The following ZNF292 variants were observed in gnomAD, a reference collection of about 807,000 sequenced individuals.
ZNF292 encodes 16 zinc-finger domain protein.
In ZNF292, 26 loss-of-function variants were observed where a neutral mutation model predicts 217.9. The observed-to-expected ratio is 0.12, with a 90% CI of 0.09 to 0.17. The LOEUF (loss-of-function observed/expected upper bound fraction) is 0.17, where lower values mean the gene tolerates loss of function less well. Ranked by LOEUF, ZNF292 falls within the 10% of genes least tolerant of loss-of-function variation. ZNF292 has a pLI of 1.00. For synonymous variants in ZNF292, 1,257 were observed against 1,124.1 expected (o/e 1.12, Z -2.37); for missense variants, 2,904 against 3,175.2 (o/e 0.91, Z 2.05).
intron 1 of ZNF292, among the ~76,000 whole-genome samples, chr6:87,177,302 G>A (rs1771333919): frequency 6.6e-6 from 1 of 151,580 alleles, no homozygotes; most frequent in Non-Finnish European, 1.5e-5. Flanking sequence ...ACTCCAGCCT[G>A]GGTGACAAGC....
At chr6:87,216,138 C>T in intron 2 of ZNF292, 81 bp downstream of exon 2, 1 of 778,538 alleles carries the variant, frequency 1.3e-6, no homozygotes, top group Non-Finnish European at 1.8e-6. Flanking sequence ...CACACACACA[C>T]ACACACACAC....
At chr6:87,226,125 A>G (rs146357757) in intron 4 of ZNF292, among the ~76,000 whole-genome samples, 122 of 152,148 alleles carry the variant, frequency 8.0e-4, no homozygotes, top group Non-Finnish European at 3.1e-4. Flanking sequence ...CTCTACTTCT[A>G]TATTGGGTTA....
In ZNF292 at chr6:87,235,569, A is replaced by C. The variant is rs573895789; in HGVS notation, c.741+2042A>C. 9.7e-3 allele frequency among the ~76,000 whole-genome samples: 1,164 copies of C among 119,706 alleles called. 24 individuals carry two copies. The highest frequency in any genetic ancestry group is 0.043 in the African/African-American group (1,057 of 24,728). The allele number at this position is 119,706 out of a possible 152,430, so 78.5% of individuals were successfully genotyped here. On this transcript the variant is annotated intron_variant, in intron 5 of 7. Coordinates refer to ENST00000369577, the MANE Select transcript of ZNF292 (RefSeq NM_015021.3). Reference sequence around the variant, plus strand: ...TCTGTGTCTCAAGTAAAAATCTAGTAAAAAAAAAAAAATCTGTATTTCTAG... The same window carrying C: ...TCTGTGTCTCAAGTAAAAATCTAGTCAAAAAAAAAAAATCTGTATTTCTAG...
intron 5 of ZNF292, among the ~76,000 whole-genome samples, chr6:87,240,271 A>C (rs894316337): frequency 1.4e-5 from 2 of 145,648 alleles, no homozygotes; most frequent in South Asian, 2.2e-4. Context: ...AGAATCAGGC[A>C]GGGAGGTTGC....
At position 87,264,849 on chromosome 6, in the gene ZNF292, G is replaced by C. The variant is rs1775761480; in HGVS notation, c.*3048G>C. Among the ~76,000 whole-genome samples the C allele has an allele frequency of 6.6e-6, 1 of 152,184 alleles. No homozygotes were observed. On this transcript the variant is annotated 3_prime_UTR_variant, in exon 8 of 8. Transcript: ENST00000369577. Reference sequence around the variant, plus strand: ...CAGTTTTAGAAAGATAATTGTCATGGTATAGTGGATAAATTGAGTAAGTTG... The same window carrying C: ...CAGTTTTAGAAAGATAATTGTCATGCTATAGTGGATAAATTGAGTAAGTTG...
intron 1 of ZNF292, among the ~76,000 whole-genome samples, chr6:87,157,942 C>T (rs1454876218): frequency 6.6e-6 from 1 of 152,164 alleles, no homozygotes; most frequent in African/African-American, 2.4e-5. Flanking sequence ...GAACTGCTGA[C>T]CTCAAGTGAT....
chr6:87,261,178 G>A lies in ZNF292; in HGVS notation c.7549G>A (p.Asp2517Asn), dbSNP rs761196342. Residue 2517 changes from aspartate to asparagine, a missense_variant, in exon 8 of 8, where the codon GAT becomes AAT. Asp to Asn is a conservative substitution (Grantham distance 23). This residue lies in a region of ZNF292 where 380 missense variants were observed against 355.3 expected (regional missense o/e 1.07). Transcript: ENST00000369577. ...SSNVSNDFQE[D>N]NLCQSERQKA... ...AAATGTAAGTAATGATTTTCAGGAA[G>A]ATAACCTCTGCCAGTCAGAAAGACA... 1.2e-6 allele frequency: 2 copies of A among 1,612,926 alleles called. No homozygotes were observed. The highest frequency in any genetic ancestry group is 1.7e-6 in the Non-Finnish European group (2 of 1,179,556).
At position 87,239,286 on chromosome 6, in the gene ZNF292, G is replaced by A. The variant is rs979669204; in HGVS notation, c.742-4189G>A. Among the ~76,000 whole-genome samples the A allele has an allele frequency of 1.3e-4, 19 of 150,956 alleles. No homozygotes were observed. In the East Asian group the frequency reaches 3.2e-3, roughly 25 times the overall value. Reference sequence around the variant, plus strand: ...CAAAGGCACCCCTCACCTCCCGGACGGGGCGCCAGCTGGGCAGAGGCGCCC... The same window carrying A: ...CAAAGGCACCCCTCACCTCCCGGACAGGGCGCCAGCTGGGCAGAGGCGCCC... On this transcript the variant is annotated intron_variant, in intron 5 of 7. Transcript: ENST00000369577.
intron 1 of ZNF292, among the ~76,000 whole-genome samples, chr6:87,185,497 T>G (rs773766861): frequency 1.3e-5 from 2 of 152,250 alleles, no homozygotes; most frequent in Non-Finnish European, 2.9e-5. Context: ...ATACTTTCTT[T>G]GAGAGGAGGT....
At chr6:87,176,121 C>T (rs1771282521) in intron 1 of ZNF292, among the ~76,000 whole-genome samples, 1 of 152,182 alleles carries the variant, frequency 6.6e-6, no homozygotes, top group Non-Finnish European at 1.5e-5. Context: ...TTTTTCCCAC[C>T]TGTCACTAGG....
At position 87,256,089 on chromosome 6, in the gene ZNF292, T is replaced by G; in HGVS notation, c.2460T>G (p.Ser820=). 2 of 1,613,332 alleles carry G rather than the reference T, an allele frequency of 1.2e-6. No homozygotes were observed. Among genetic ancestry groups the G allele is most frequent in the Non-Finnish European group, 1.7e-6 (2 of 1,179,614 alleles). Residue 820 remains serine (S), a synonymous_variant, in exon 8 of 8, where the codon TCT becomes TCG. Coordinates refer to ENST00000369577, the MANE Select transcript of ZNF292 (RefSeq NM_015021.3). ...CAGGTTGTGGTAAAGTTTATCGTTC[T>G]CAGGGTGAGCTGGAAAAGCATCTGG... ...KFTGCGKVYR[S]QGELEKHLDD...
At chr6:87,180,572 C>A (rs2127777809) in intron 1 of ZNF292, among the ~76,000 whole-genome samples, 1 of 152,336 alleles carries the variant, frequency 6.6e-6, no homozygotes, top group East Asian at 1.9e-4. Flanking sequence ...ACTTCCCCTG[C>A]ATGTCTACTT....
rs556039262 is a variant in ZNF292 at position 87,212,364 on chromosome 6, T to A, written c.169-3539T>A. Among the ~76,000 whole-genome samples the A allele has an allele frequency of 2.6e-5, 4 of 152,252 alleles. No individual in the cohort carries two copies. In the East Asian group the frequency reaches 7.7e-4, roughly 29 times the overall value. On this transcript the variant is annotated intron_variant, in intron 1 of 7. Transcript: ENST00000369577. The stretch of plus-strand genomic sequence containing the variant: ...TGATCAGATCATTGGCCATTGGTGA[T>A]TGGGTTCAATCTCTGCCCCTTTACC...
chr6:87,164,109 G>T (rs1770838042), intron 1 of ZNF292, among the ~76,000 whole-genome samples: 1 of 152,138 alleles, frequency 6.6e-6, no homozygotes, highest in African/African-American at 2.4e-5. Context: ...ACCTTTAAAA[G>T]AACAGCCATT....
In ZNF292 at chr6:87,261,235, GA is replaced by G; in HGVS notation, c.7613del (p.Asn2538MetfsTer21). 1 of 1,609,502 alleles carries G rather than the reference GA, an allele frequency of 6.2e-7. No homozygotes were observed. The highest frequency in any genetic ancestry group is 1.1e-5 in the South Asian group (1 of 90,266). The stretch of plus-strand genomic sequence containing the variant: ...AAGTAATTTGAAGAGAGTTAATAAG[GA>G]AAAAAATGTCTCACAAAATAAAAAA... ...KASNLKRVNK[E>X]KNVSQNKKRK... On this transcript the variant is annotated frameshift_variant, in exon 8 of 8. Transcript: ENST00000369577. LOFTEE classifies it high-confidence loss of function.
intron 1 of ZNF292, among the ~76,000 whole-genome samples, chr6:87,202,259 C>G (rs1056747395): frequency 1.8e-4 from 28 of 151,932 alleles, no homozygotes. Context: ...TTGAAAAGAT[C>G]TTATAAATAC....
At chr6:87,239,377 C>T (rs1191469779) in intron 5 of ZNF292, among the ~76,000 whole-genome samples, 6 of 114,510 alleles carry the variant, frequency 5.2e-5, no homozygotes, top group South Asian at 2.8e-4. Flanking sequence ...CCTGACGGGG[C>T]GGCTGGCGGG....
At chr6:87,186,254 G>T (rs537730232) in intron 1 of ZNF292, among the ~76,000 whole-genome samples, 1 of 152,288 alleles carries the variant, frequency 6.6e-6, no homozygotes, top group East Asian at 1.9e-4. Flanking sequence ...TCCCAGACTA[G>T]TTACAAAAAG....
intron 1 of ZNF292, among the ~76,000 whole-genome samples, chr6:87,209,057 C>T (rs1357491077): frequency 6.6e-6 from 1 of 150,892 alleles, no homozygotes; most frequent in Non-Finnish European, 1.5e-5. Context: ...GGCTTAACTC[C>T]TAAAATAGAC....
Sources: allele counts gnomAD v4.1 joint callset (sites outside exome capture counted in the v4.1 genomes callset), GRCh38; gene constraint gnomAD v4.1.1; regional missense constraint gnomAD v4.1.1; transcripts MANE v1.5; gene names NCBI Gene and HGNC (gene_info 2026-07-23, HGNC 2026-07-21).